Variants in SND1 observed in about 807,000 individuals in gnomAD.
SND1 encodes staphylococcal nuclease and tudor domain containing 1, also known as staphylococcal nuclease domain-containing protein 1.
Under a neutral mutation model 121.7 loss-of-function variants are expected in SND1, and 38 were observed. That is an observed-to-expected ratio of 0.31 (90% CI 0.24 to 0.41). The LOEUF (loss-of-function observed/expected upper bound fraction) is 0.41, where lower values mean the gene tolerates loss of function less well. Among genes scored for constraint, SND1 ranks in the 10% least tolerant of loss-of-function variants. SND1 has a pLI of 1.00. For synonymous variants in SND1, 401 were observed against 447.4 expected (o/e 0.90, Z 1.31); for missense variants, 868 against 1,184.6 (o/e 0.73, Z 3.92).
At chr7:128,091,706 G>T in intron 22 of SND1, 131 bp from the exon 23 acceptor site, 1 of 896,488 alleles carries the variant, frequency 1.1e-6, no homozygotes, top group South Asian at 1.3e-5. Flanking sequence ...TACTCTGAGG[G>T]AACTAAGGCT....
Position 128,052,064 on chromosome 7 carries a change from T to TA in SND1, c.1780-22437dup, listed in dbSNP as rs1793055838. On this transcript the variant is annotated intron_variant, in intron 16 of 23. Transcript: ENST00000354725. The surrounding 1 kb of genome is among the most constrained non-coding windows in gnomAD (Gnocchi z 4.6). ...CTTCTTTGAAGGAGATCGAAGTTGATAGACACCGATATCAGAGGTGTAAGG... is the reference window on the plus strand; with the variant it reads ...CTTCTTTGAAGGAGATCGAAGTTGATAAGACACCGATATCAGAGGTGTAAGG... 6.6e-6 allele frequency among the ~76,000 whole-genome samples: 1 copy of TA among 152,172 alleles called. No individual in the cohort carries two copies. Among genetic ancestry groups the TA allele is most frequent in the African/African-American group, 2.4e-5 (1 of 41,446 alleles).
intron 10 of SND1, among the ~76,000 whole-genome samples, chr7:127,740,610 A>C (rs1315081234): frequency 2.6e-5 from 4 of 152,238 alleles, no homozygotes; most frequent in Non-Finnish European, 5.9e-5. Context: ...CAGTCTGCAC[A>C]TCAGAAATCA....
At chr7:127,998,199 A>G (rs1563083410) in intron 16 of SND1, 1 of 324,368 alleles carries the variant, frequency 3.1e-6, no homozygotes, top group Non-Finnish European at 6.2e-6. Flanking sequence ...ATGGTTCTTT[A>G]GGAAAGCTCT....
intron 13 of SND1, among the ~76,000 whole-genome samples, chr7:127,899,922 G>A (rs1232289203): frequency 6.6e-6 from 1 of 152,170 alleles, no homozygotes; most frequent in African/African-American, 2.4e-5. Flanking sequence ...CTGCTTACCA[G>A]GAAAGCATTG....
intron 5 of SND1, among the ~76,000 whole-genome samples, chr7:127,701,548 T>C (rs968658119): frequency 9.1e-6 from 1 of 110,278 alleles, no homozygotes; most frequent in Non-Finnish European, 1.9e-5. Flanking sequence ...TCCTGTGCTG[T>C]TGCAGGGTAG....
chr7:127,968,326 G>T (rs1801901600), intron 15 of SND1, among the ~76,000 whole-genome samples: 1 of 152,132 alleles, frequency 6.6e-6, no homozygotes, highest in Admixed American at 6.6e-5. Flanking sequence ...TTTGAAATTT[G>T]TCTCAGTAAC....
intron 13 of SND1, among the ~76,000 whole-genome samples, chr7:127,890,793 T>C (rs1327405658): frequency 6.6e-6 from 1 of 152,180 alleles, no homozygotes; most frequent in African/African-American, 2.4e-5. Context: ...GTCTAGTGCT[T>C]ATTTTGTGCA....
At chr7:127,761,559 TA>T (rs1797306611) in intron 10 of SND1, among the ~76,000 whole-genome samples, 1 of 152,252 alleles carries the variant, frequency 6.6e-6, no homozygotes, top group Non-Finnish European at 1.5e-5. Context: ...CACTGTTCTG[TA>T]ACACTTGTCT....
chr7:127,729,367 C>T (rs904617031), intron 10 of SND1, among the ~76,000 whole-genome samples: 1 of 151,114 alleles, frequency 6.6e-6, no homozygotes, highest in Non-Finnish European at 1.5e-5. Flanking sequence ...TTAGAGATCT[C>T]TCCCTTCATC....
At chr7:127,830,202 G>A (rs1225883285) in intron 11 of SND1, among the ~76,000 whole-genome samples, 2 of 152,148 alleles carry the variant, frequency 1.3e-5, no homozygotes, top group African/African-American at 4.8e-5. Flanking sequence ...GACCAACAAG[G>A]TGAAACCCCA....
At chr7:128,004,907 A>G (rs1043356925) in intron 16 of SND1, among the ~76,000 whole-genome samples, 1 of 152,082 alleles carries the variant, frequency 6.6e-6, no homozygotes, top group Non-Finnish European at 1.5e-5. Context: ...TTTTGCCCAG[A>G]GTGTTTAAAA....
chr7:128,028,725 A>G, intron 16 of SND1: 1 of 1,614,028 alleles, frequency 6.2e-7, no homozygotes, highest in Non-Finnish European at 8.5e-7. Flanking sequence ...GGTCTGAATT[A>G]TATAAGGTTC....
intron 11 of SND1, among the ~76,000 whole-genome samples, chr7:127,834,915 G>C (rs750383314): frequency 6.6e-5 from 10 of 152,128 alleles, no homozygotes; most frequent in African/African-American, 9.7e-5. Flanking sequence ...GGAGAAATGG[G>C]AGTGCTCTGA....
chr7:127,872,739 T>G (rs1461688728), intron 12 of SND1, among the ~76,000 whole-genome samples: 2 of 151,744 alleles, frequency 1.3e-5, no homozygotes, highest in Non-Finnish European at 2.9e-5. Flanking sequence ...AAAACAAACA[T>G]AATAAGCTAA....
chr7:127,994,549 CAAAAAAAAAAAAAAAAAAAAAA>C (rs563548702), intron 16 of SND1, among the ~76,000 whole-genome samples: 28 of 46,240 alleles, frequency 6.1e-4, no homozygotes, highest in South Asian at 1.4e-3. Context: ...CACTTTTACT[CAAAAAAAAAAAAAAAAAAAAAA>C]AAAAAAAAAA....
intron 11 of SND1, among the ~76,000 whole-genome samples, chr7:127,825,114 A>AT (rs1413811415): frequency 6.6e-6 from 1 of 151,834 alleles, no homozygotes; most frequent in Non-Finnish European, 1.5e-5. Flanking sequence ...TAAAACATAT[A>AT]TTTTTTTTAA....
intron 15 of SND1, among the ~76,000 whole-genome samples, chr7:127,955,460 G>A (rs1016956184): frequency 7.2e-5 from 11 of 152,304 alleles, no homozygotes; most frequent in Admixed American, 2.6e-4. Flanking sequence ...CACTGGGACT[G>A]TCAGGGTGGG....
chr7:127,655,359 C>T (rs982250618), intron 1 of SND1, among the ~76,000 whole-genome samples: 7 of 152,102 alleles, frequency 4.6e-5, no homozygotes, highest in Non-Finnish European at 7.4e-5. Context: ...TTTTAAAAAA[C>T]GAGGGTGATG....
chr7:127,905,750 G>T (rs1800322388), intron 14 of SND1, among the ~76,000 whole-genome samples: 1 of 152,130 alleles, frequency 6.6e-6, no homozygotes, highest in Admixed American at 6.5e-5. Flanking sequence ...TTAAAGAGAG[G>T]ATCAGGTCTG....
Sources: gnomAD v4.1 joint callset for allele counts (sites outside exome capture counted in the v4.1 genomes callset) on GRCh38, gnomAD v4.1.1 for gene constraint, Gnocchi (gnomAD v3.1) non-coding constraint, MANE v1.5 for transcripts, NCBI Gene and HGNC (gene_info 2026-07-23, HGNC 2026-07-21) for gene names.